Variants in ANO10 observed in about 807,000 individuals in gnomAD.
The protein encoded by ANO10 is anoctamin 10, also known as anoctamin-10.
Under a neutral mutation model 74.7 loss-of-function variants are expected in ANO10, and 77 were observed. The observed-to-expected ratio is 1.03, with a 90% CI of 0.86 to 1.25. The LOEUF (loss-of-function observed/expected upper bound fraction) is 1.25, where lower values mean the gene tolerates loss of function less well. Among genes scored for constraint, ANO10 ranks in the 50% most tolerant of loss-of-function variants. The pLI, the probability that ANO10 is intolerant of heterozygous loss-of-function variation, is 0.00. For missense variants in ANO10, 721 were observed against 778.1 expected (o/e 0.93, Z 0.87); for synonymous variants, 279 against 284.9 (o/e 0.98, Z 0.21).
chr3:43,372,623 C>G (rs746284330), intron 12 of ANO10: 5 of 497,688 alleles, frequency 1.0e-5, no homozygotes, highest in African/African-American at 7.7e-5. Flanking sequence ...CCTCCTCCCC[C>G]GTCACCATCC....
At chr3:43,375,581 C>A (rs910955619) in intron 12 of ANO10, among the ~76,000 whole-genome samples, 1 of 151,990 alleles carries the variant, frequency 6.6e-6, no homozygotes, top group East Asian at 1.9e-4. Flanking sequence ...AAATCACAAA[C>A]GCTAGAGCAG....
chr3:43,532,623 C>T (rs955042050), intron 11 of ANO10, among the ~76,000 whole-genome samples: 8 of 152,200 alleles, frequency 5.3e-5, no homozygotes, highest in East Asian at 1.9e-4. Context: ...TTTTAATGCA[C>T]GTATAGTTTC....
chr3:43,617,462 C>A (rs1292155115), intron 1 of ANO10, among the ~76,000 whole-genome samples: 1 of 152,046 alleles, frequency 6.6e-6, no homozygotes, highest in Non-Finnish European at 1.5e-5. Context: ...AAATTGTGTT[C>A]TTTATCATGT....
intron 11 of ANO10, among the ~76,000 whole-genome samples, chr3:43,447,007 C>T (rs529124957): frequency 2.3e-3 from 355 of 152,256 alleles, no homozygotes; most frequent in Non-Finnish European, 3.9e-3. Flanking sequence ...ATAAAAGGAG[C>T]ATACAGAAAT....
rs1048414460 is a variant in ANO10 at position 43,544,635 on chromosome 3, A to G, written c.1797+5085T>C. ...TGGTGAAACCCCGTCTCTACTAAAA[A>G]TACAAATATTAGCCAAGCGTGGTGG... On this transcript the variant is annotated intron_variant, in intron 11 of 12. Transcript: ENST00000292246. Among the ~76,000 whole-genome samples the G allele has an allele frequency of 7.2e-5, 11 of 151,986 alleles. 1 individual carries two copies. Among genetic ancestry groups the G allele is most frequent in the Non-Finnish European group, 1.5e-5 (1 of 67,982 alleles).
intron 4 of ANO10, among the ~76,000 whole-genome samples, chr3:43,589,183 A>G (rs535567313): frequency 1.3e-5 from 2 of 152,294 alleles, no homozygotes; most frequent in African/African-American, 4.8e-5. Context: ...TTCTATTAAC[A>G]TCGGTTGCCA....
At chr3:43,524,079 C>T (rs532487788) in intron 11 of ANO10, among the ~76,000 whole-genome samples, 2 of 151,920 alleles carry the variant, frequency 1.3e-5, no homozygotes, top group Non-Finnish European at 1.5e-5. Flanking sequence ...GTGGAAGCCA[C>T]GGAGATGAGC....
chr3:43,554,807 A>C (rs147233263), intron 10 of ANO10, among the ~76,000 whole-genome samples: 1 of 152,240 alleles, frequency 6.6e-6, no homozygotes, highest in East Asian at 1.9e-4. Context: ...TCCACTGTGC[A>C]GGGTTGTGGT....
In ANO10 at chr3:43,420,563, A is replaced by C. The variant is rs192197539; in HGVS notation, c.1914+12048T>G. On this transcript the variant is annotated intron_variant, in intron 12 of 12. Transcript: ENST00000292246. ...AGGAATACTGTTTGTTACAGTAAACAAAAAATTTCCTATTTTAGCAGTTTA... is the reference window on the plus strand; with the variant it reads ...AGGAATACTGTTTGTTACAGTAAACCAAAAATTTCCTATTTTAGCAGTTTA... Among the ~76,000 whole-genome samples, 134 of 152,350 alleles carry C rather than the reference A, an allele frequency of 8.8e-4. 1 individual carries two copies. The highest frequency in any genetic ancestry group is 3.4e-3 in the Middle Eastern group (1 of 294).
chr3:43,601,655 A>G (rs1314083891), intron 2 of ANO10, among the ~76,000 whole-genome samples: 3 of 152,218 alleles, frequency 2.0e-5, no homozygotes, highest in Non-Finnish European at 4.4e-5. Flanking sequence ...CATCTAGGTA[A>G]TTTATAGTAA....
chr3:43,679,619 T>C (rs1229557360), intron 1 of ANO10, among the ~76,000 whole-genome samples: 2 of 152,188 alleles, frequency 1.3e-5, no homozygotes, highest in African/African-American at 4.8e-5. Flanking sequence ...CAGCTGGAGA[T>C]CTGAGAACGG....
At chr3:43,522,508 T>G (rs1458841903) in intron 11 of ANO10, among the ~76,000 whole-genome samples, 1 of 152,150 alleles carries the variant, frequency 6.6e-6, no homozygotes, top group Non-Finnish European at 1.5e-5. Flanking sequence ...AACCAAGAGC[T>G]TCATACAACT....
chr3:43,466,952 A>G (rs1036814846), intron 11 of ANO10, among the ~76,000 whole-genome samples: 3 of 152,244 alleles, frequency 2.0e-5, no homozygotes, highest in African/African-American at 7.2e-5. Context: ...AAACTTTAAC[A>G]GAATGTTCAC....
rs1431107549 is a variant in ANO10 at position 43,537,607 on chromosome 3, T to TA, written c.1797+12112dup. Among the ~76,000 whole-genome samples, 26 of 127,082 alleles carry TA rather than the reference T, an allele frequency of 2.0e-4. No homozygotes were observed. In the East Asian group the frequency reaches 4.6e-3, roughly 23 times the overall value. The allele number at this position is 127,082 out of a possible 152,430, so 83.4% of individuals were successfully genotyped here. Reference sequence around the variant, plus strand: ...TCAGGCTCAGAGCAGGCATACTTTATAAACCACACACACACACACACACAC... The same window carrying TA: ...TCAGGCTCAGAGCAGGCATACTTTATAAAACCACACACACACACACACACAC... On this transcript the variant is annotated intron_variant, in intron 11 of 12. Transcript: ENST00000292246.
chr3:43,394,111 G>A (rs2092331805), intron 12 of ANO10, among the ~76,000 whole-genome samples: 2 of 152,110 alleles, frequency 1.3e-5, no homozygotes, highest in South Asian at 2.1e-4. Flanking sequence ...GGCCTGATAA[G>A]TGTTGGTAGA....
chr3:43,643,688 T>C lies in ANO10; in HGVS notation c.-11-37825A>G, dbSNP rs562638560. Among the ~76,000 whole-genome samples the C allele has an allele frequency of 1.2e-3, 176 of 147,526 alleles. 1 individual carries two copies. The highest frequency in any genetic ancestry group is 3.2e-3 in the African/African-American group (125 of 39,194). On this transcript the variant is annotated intron_variant, in intron 1 of 3. Coordinates refer to the ANO10 transcript ENST00000413397. ...TGTACTTGTCCTCATCTTTTCTTTT[T>C]TTTTTTTTTTTTTTAGATGGAGTCT...
chr3:43,555,524 T>C, intron 9 of ANO10, 55 bp from the exon 10 acceptor site: 1 of 1,541,080 alleles, frequency 6.5e-7, no homozygotes, highest in Non-Finnish European at 8.9e-7. Flanking sequence ...GGAATATCCT[T>C]TTGCAATACT....
intron 11 of ANO10, among the ~76,000 whole-genome samples, chr3:43,468,863 AC>A (rs1268509438): frequency 1.3e-5 from 2 of 151,234 alleles, no homozygotes; most frequent in African/African-American, 4.9e-5. Flanking sequence ...GCTGCATGCC[AC>A]CAAGGCTGGC....
At chr3:43,455,793 CT>C (rs147443767) in intron 11 of ANO10, among the ~76,000 whole-genome samples, 9 of 148,380 alleles carry the variant, frequency 6.1e-5, no homozygotes, top group Admixed American at 6.7e-5. Flanking sequence ...GGTTACAAAC[CT>C]TTTTTTTTTC....
Sources: allele counts gnomAD v4.1 joint callset (sites outside exome capture counted in the v4.1 genomes callset), GRCh38; gene constraint gnomAD v4.1.1; transcripts MANE v1.5; gene names NCBI Gene and HGNC (gene_info 2026-07-23, HGNC 2026-07-21).